The following NLGN1 variants were observed in gnomAD, a reference collection of about 807,000 sequenced individuals.
NLGN1 encodes neuroligin 1, also known as neuroligin-1.
In NLGN1, 12 loss-of-function variants were observed where a neutral mutation model predicts 65.5. The observed-to-expected ratio is 0.18, with a 90% CI of 0.12 to 0.30. The LOEUF is 0.30. Among genes scored for constraint, NLGN1 ranks in the 10% least tolerant of loss-of-function variants. NLGN1 has a pLI of 1.00. For missense variants in NLGN1, 750 were observed against 1,007.1 expected (o/e 0.74, Z 3.46); for synonymous variants, 350 against 359.5 (o/e 0.97, Z 0.30).
In NLGN1 at chr3:173,597,693, C is replaced by T. The variant is rs200891823; in HGVS notation, c.-320-6586C>T. On this transcript the variant is annotated intron_variant, in intron 2 of 6. Coordinates refer to ENST00000457714, the Ensembl canonical transcript of NLGN1. ...TATCAAAAATTTATGTAGGAATATA[C>T]ATATATATATATTTAATAAATATTT... 5.8e-3 allele frequency among the ~76,000 whole-genome samples: 878 copies of T among 150,396 alleles called. 9 individuals are homozygous for T. The highest frequency in any genetic ancestry group is 0.02 in the African/African-American group (806 of 41,254).
intron 3 of NLGN1, among the ~76,000 whole-genome samples, chr3:173,764,617 A>C (rs1778481525): frequency 6.6e-6 from 1 of 152,176 alleles, no homozygotes; most frequent in Non-Finnish European, 1.5e-5. Context: ...CAAAAGTTTT[A>C]ATGCCAAATT....
chr3:173,656,302 A>G (rs1032033252), intron 3 of NLGN1, among the ~76,000 whole-genome samples: 4 of 152,142 alleles, frequency 2.6e-5, no homozygotes, highest in Non-Finnish European at 5.9e-5. Flanking sequence ...AGCACTGATT[A>G]AAAGTATTCT....
intron 4 of NLGN1, among the ~76,000 whole-genome samples, chr3:173,875,360 G>T (rs533889766): frequency 6.6e-6 from 1 of 152,218 alleles, no homozygotes; most frequent in South Asian, 2.1e-4. Flanking sequence ...TCTACCACTG[G>T]ACACTGAATA....
At chr3:174,116,729 AT>A (rs1286428814) in intron 4 of NLGN1, among the ~76,000 whole-genome samples, 1 of 152,156 alleles carries the variant, frequency 6.6e-6, no homozygotes, top group African/African-American at 2.4e-5. Context: ...TTGATCATGA[AT>A]TTCAATATTA....
chr3:173,795,815 A>G (rs1400699695), intron 3 of NLGN1, among the ~76,000 whole-genome samples: 1 of 152,132 alleles, frequency 6.6e-6, no homozygotes, highest in Non-Finnish European at 1.5e-5. Flanking sequence ...GCCTGCTTCC[A>G]ATTGCTCCAG....
intron 4 of NLGN1, among the ~76,000 whole-genome samples, chr3:173,999,903 G>A (rs576116531): frequency 1.3e-5 from 2 of 151,752 alleles, no homozygotes; most frequent in African/African-American, 4.8e-5. Context: ...GTAAAAATTT[G>A]CGTTAAACAA....
chr3:174,110,170 G>A (rs1260564694), intron 4 of NLGN1, among the ~76,000 whole-genome samples: 1 of 151,910 alleles, frequency 6.6e-6, no homozygotes, highest in Non-Finnish European at 1.5e-5. Flanking sequence ...TCACTTGGGT[G>A]GCTTCTCCTC....
At chr3:173,667,492 C>A (rs1334503098) in intron 3 of NLGN1, among the ~76,000 whole-genome samples, 4 of 152,066 alleles carry the variant, frequency 2.6e-5, no homozygotes, top group Admixed American at 1.3e-4. Context: ...GTGATGAAAA[C>A]CAAATAATTA....
At chr3:173,532,171 GATT>G (rs1736683747) in intron 2 of NLGN1, among the ~76,000 whole-genome samples, 1 of 152,012 alleles carries the variant, frequency 6.6e-6, no homozygotes, top group African/African-American at 2.4e-5. Context: ...TTTCACTCTT[GATT>G]GCTTTAGATA....
chr3:173,707,849 C>A (rs1768290834), intron 3 of NLGN1, among the ~76,000 whole-genome samples: 1 of 152,170 alleles, frequency 6.6e-6, no homozygotes, highest in Non-Finnish European at 1.5e-5. Context: ...TGGTAGCACT[C>A]AAAAATTACC....
chr3:174,178,276 T>A (rs1422006196), intron 4 of NLGN1, among the ~76,000 whole-genome samples: 2 of 152,146 alleles, frequency 1.3e-5, no homozygotes, highest in Non-Finnish European at 1.5e-5. Flanking sequence ...CTATTCCCAA[T>A]ACAGTGTGTG....
chr3:174,248,993 A>G (rs1408183564), intron 4 of NLGN1, among the ~76,000 whole-genome samples: 1 of 152,182 alleles, frequency 6.6e-6, no homozygotes, highest in Non-Finnish European at 1.5e-5. Context: ...CGATGCTGCT[A>G]TATTTAATTA....
intron 4 of NLGN1, among the ~76,000 whole-genome samples, chr3:174,234,339 C>G (rs1741263779): frequency 6.6e-6 from 1 of 152,144 alleles, no homozygotes; most frequent in Non-Finnish European, 1.5e-5. Flanking sequence ...TACATCCCTT[C>G]TCCCCTGATT....
At chr3:173,739,971 A>AAACAG (rs1774381039) in intron 3 of NLGN1, among the ~76,000 whole-genome samples, 1 of 152,092 alleles carries the variant, frequency 6.6e-6, no homozygotes, top group East Asian at 1.9e-4. Flanking sequence ...TTTAAACTAT[A>AAACAG]TTGGGGATGA....
chr3:173,952,399 C>T (rs1489250323), intron 4 of NLGN1, among the ~76,000 whole-genome samples: 2 of 152,120 alleles, frequency 1.3e-5, no homozygotes, highest in Non-Finnish European at 2.9e-5. Flanking sequence ...GAATAGTCTT[C>T]GTGACATTTT....
chr3:173,948,290 A>C (rs1171420303), intron 4 of NLGN1, among the ~76,000 whole-genome samples: 1 of 152,254 alleles, frequency 6.6e-6, no homozygotes, highest in African/African-American at 2.4e-5. Flanking sequence ...AATGTCAAGC[A>C]CATAGCACAG....
chr3:173,859,236 T>C (rs981224829), intron 4 of NLGN1, among the ~76,000 whole-genome samples: 2 of 152,124 alleles, frequency 1.3e-5, no homozygotes, highest in Non-Finnish European at 2.9e-5. Flanking sequence ...ATTTTGAACA[T>C]CTTTTAATAA....
intron 3 of NLGN1, among the ~76,000 whole-genome samples, chr3:173,656,251 C>T (rs887235938): frequency 6.6e-6 from 1 of 152,050 alleles, no homozygotes; most frequent in Non-Finnish European, 1.5e-5. Flanking sequence ...TTTGTAATAT[C>T]AAATTTTGTT....
chr3:173,858,532 AT>A (rs1268972057), intron 4 of NLGN1, among the ~76,000 whole-genome samples: 3 of 152,036 alleles, frequency 2.0e-5, no homozygotes, highest in African/African-American at 7.2e-5. Context: ...TAGGTTTCCA[AT>A]TTCTGAATTC....
Sources: gnomAD v4.1 joint callset for allele counts (sites outside exome capture counted in the v4.1 genomes callset) on GRCh38, gnomAD v4.1.1 for gene constraint, MANE v1.5 for transcripts, NCBI Gene and HGNC (gene_info 2026-07-23, HGNC 2026-07-21) for gene names.